Variants in SLC16A9 observed in about 807,000 individuals in gnomAD.
SLC16A9 encodes monocarboxylate transporter 9.
A neutral mutation model predicts 44.3 loss-of-function variants in SLC16A9; 26 were observed. The ratio of observed to expected loss-of-function variants is 0.59; its 90% CI spans 0.43 to 0.81. SLC16A9 has a LOEUF of 0.81. SLC16A9 is among the 40% of genes least tolerant of loss of function. The probability of loss-of-function intolerance (pLI) is 0.00; values close to 1 mark genes in which losing one functional copy is unlikely to be tolerated. For synonymous variants in SLC16A9, 230 were observed against 225.1 expected, an observed-to-expected ratio of 1.02 and a Z score of -0.19; for missense variants, 559 against 595.8, an observed-to-expected ratio of 0.94 and a Z score of 0.64.
At chr10:59,701,865 C>A (rs1205270774) in intron 1 of SLC16A9, among the ~76,000 whole-genome samples, 1 of 152,240 alleles carries the variant, frequency 6.6e-6, no homozygotes, top group Non-Finnish European at 1.5e-5. Flanking sequence ...TGAGCCCAAA[C>A]TGTTTCTCTC....
At chr10:59,684,037 T>C (rs1840077219) in intron 2 of SLC16A9, 59 bp downstream of exon 2, 2 of 1,390,554 alleles carry the variant, frequency 1.4e-6, no homozygotes, top group South Asian at 1.4e-5. Flanking sequence ...ATGTTCATGA[T>C]GTAGTAAATG....
chr10:59,679,357 T>C (rs369920665), intron 2 of SLC16A9, among the ~76,000 whole-genome samples: 3 of 152,176 alleles, frequency 2.0e-5, no homozygotes, highest in African/African-American at 7.2e-5. Context: ...AGGAAGCATA[T>C]ATTAAGACAT....
intron 1 of SLC16A9, among the ~76,000 whole-genome samples, chr10:59,687,185 A>G (rs1009396582): frequency 1.3e-5 from 2 of 152,206 alleles, no homozygotes; most frequent in Non-Finnish European, 2.9e-5. Context: ...GATTACAGGC[A>G]TGAGCCACCG....
At chr10:59,694,161 G>A (rs561037310) in intron 1 of SLC16A9, among the ~76,000 whole-genome samples, 2 of 151,790 alleles carry the variant, frequency 1.3e-5, no homozygotes, top group South Asian at 4.2e-4. Context: ...GGATGGTCTT[G>A]ATCTCCTGAC....
In SLC16A9 at chr10:59,652,829, C is replaced by CT. The variant is rs1426527620; in HGVS notation, c.1472dup (p.Gln492AlafsTer17). On this transcript the variant is annotated frameshift_variant, in exon 6 of 6. Coordinates refer to ENST00000395348, the MANE Select transcript of SLC16A9 (RefSeq NM_194298.3). LOFTEE classifies it high-confidence loss of function. ...TTGTTGGAGCTGGCTTGGGGAGTTG[C>CT]TTGTTGCATGTATCCCAAGAGGGCA... 1.2e-6 allele frequency: 2 copies of CT among 1,613,688 alleles called. No homozygotes were observed. The highest frequency in any genetic ancestry group is 1.7e-6 in the Non-Finnish European group (2 of 1,179,904).
chr10:59,692,376 A>C (rs1840272012), intron 1 of SLC16A9, among the ~76,000 whole-genome samples: 2 of 152,206 alleles, frequency 1.3e-5, no homozygotes, highest in African/African-American at 4.8e-5. Flanking sequence ...AAAAGGCTGA[A>C]GCCACTTTGG....
At chr10:59,663,102 G>A (rs774414382) in intron 4 of SLC16A9, among the ~76,000 whole-genome samples, 17 of 152,136 alleles carry the variant, frequency 1.1e-4, no homozygotes, top group Non-Finnish European at 1.6e-4. Context: ...GCTCACGCCT[G>A]TAATCCCAGC....
chr10:59,661,198 G>A (rs1028175488), intron 4 of SLC16A9, among the ~76,000 whole-genome samples: 1 of 152,148 alleles, frequency 6.6e-6, no homozygotes, highest in Non-Finnish European at 1.5e-5. Flanking sequence ...CAAATAGGAA[G>A]AGAGGAAATC....
At chr10:59,671,339 T>C (rs928836123) in intron 3 of SLC16A9, among the ~76,000 whole-genome samples, 10 of 152,220 alleles carry the variant, frequency 6.6e-5, no homozygotes, top group African/African-American at 2.4e-4. Context: ...CAAGTTGGTA[T>C]ATATGGAATG....
chr10:59,672,985 C>T, intron 2 of SLC16A9, 72 bp from the exon 3 acceptor site: 1 of 1,433,976 alleles, frequency 7.0e-7, no homozygotes, highest in Non-Finnish European at 9.5e-7. Flanking sequence ...TGATTCTTTC[C>T]ACCATAAAAC....
intron 4 of SLC16A9, among the ~76,000 whole-genome samples, chr10:59,662,827 A>T (rs1268344940): frequency 6.6e-6 from 1 of 152,086 alleles, no homozygotes; most frequent in Non-Finnish European, 1.5e-5. Flanking sequence ...GGATGTAGAG[A>T]AATAGGAATG....
intron 1 of SLC16A9, among the ~76,000 whole-genome samples, chr10:59,702,112 T>C (rs1840536754): frequency 6.6e-6 from 1 of 152,144 alleles, no homozygotes; most frequent in Non-Finnish European, 1.5e-5. Flanking sequence ...ACCTAAAATC[T>C]CCTATATATT....
chr10:59,690,432 A>T (rs1840228627), intron 1 of SLC16A9, among the ~76,000 whole-genome samples: 1 of 152,158 alleles, frequency 6.6e-6, no homozygotes, highest in Admixed American at 6.5e-5. Flanking sequence ...GATGGATATT[A>T]AATGTTTAGG....
chr10:59,687,032 T>C (rs754632881), intron 1 of SLC16A9, among the ~76,000 whole-genome samples: 1 of 152,188 alleles, frequency 6.6e-6, no homozygotes, highest in Non-Finnish European at 1.5e-5. Context: ...CTCAGCCTCC[T>C]GAATAGCTGG....
intron 4 of SLC16A9, among the ~76,000 whole-genome samples, chr10:59,662,944 G>T (rs1244466560): frequency 6.6e-6 from 1 of 152,142 alleles, no homozygotes; most frequent in African/African-American, 2.4e-5. Context: ...ATACCCCAAG[G>T]ATTATAAATC....
chr10:59,683,785 C>T (rs992346128), intron 2 of SLC16A9, among the ~76,000 whole-genome samples: 14 of 152,186 alleles, frequency 9.2e-5, no homozygotes, highest in African/African-American at 3.1e-4. Flanking sequence ...AGACTATGAG[C>T]CTCTTAAGGG....
intron 1 of SLC16A9, among the ~76,000 whole-genome samples, chr10:59,699,675 A>C (rs1840477964): frequency 6.6e-6 from 1 of 151,174 alleles, no homozygotes; most frequent in African/African-American, 2.4e-5. Context: ...AGTAATCTCA[A>C]TATGAAGTAT....
chr10:59,697,668 C>A (rs1300017946), intron 1 of SLC16A9, among the ~76,000 whole-genome samples: 2 of 149,432 alleles, frequency 1.3e-5, no homozygotes, highest in Non-Finnish European at 3.0e-5. Context: ...GACCTTCCCT[C>A]CACTATTGTC....
At chr10:59,695,305 T>C (rs1158071681) in intron 1 of SLC16A9, among the ~76,000 whole-genome samples, 1 of 152,166 alleles carries the variant, frequency 6.6e-6, no homozygotes, top group Non-Finnish European at 1.5e-5. Context: ...AATAAGTGAA[T>C]TATATGTAAT....
Sources: allele counts gnomAD v4.1 joint callset (sites outside exome capture counted in the v4.1 genomes callset), GRCh38; gene constraint gnomAD v4.1.1; transcripts MANE v1.5; gene names NCBI Gene and HGNC (gene_info 2026-07-23, HGNC 2026-07-21).